Variants in SYBU observed in about 807,000 individuals in gnomAD.
The protein encoded by SYBU is syntabulin.
Under a neutral mutation model 35.9 loss-of-function variants are expected in SYBU, and 21 were observed. The ratio of observed to expected loss-of-function variants is 0.58; its 90% CI spans 0.41 to 0.84. The LOEUF is 0.84. Ranked by LOEUF, SYBU falls within the 40% of genes least tolerant of loss-of-function variation. SYBU has a pLI of 0.00. For synonymous variants in SYBU, 319 were observed against 324.3 expected, an observed-to-expected ratio of 0.98 and a Z score of 0.18; for missense variants, 768 against 848.2, an observed-to-expected ratio of 0.91 and a Z score of 1.17.
chr8:109,646,850 C>G (rs1005757701), upstream of SYBU: 1 of 152,178 alleles, frequency 6.6e-6, no homozygotes, highest in Non-Finnish European at 1.5e-5. Flanking sequence ...GATCTCTATG[C>G]CACCCAAGTA....
chr8:109,629,593 C>T (rs914484889), intron 2 of SYBU, among the ~76,000 whole-genome samples: 12 of 152,068 alleles, frequency 7.9e-5, no homozygotes, highest in African/African-American at 1.4e-4. Flanking sequence ...TGAATAATGC[C>T]GCAATAAACA....
In SYBU at chr8:109,594,366, C is replaced by G. The variant is rs1824622283; in HGVS notation, c.428-8204G>C. On this transcript the variant is annotated intron_variant, in intron 3 of 6. Coordinates refer to ENST00000276646, the MANE Select transcript of SYBU (RefSeq NM_001099754.2). ...TGTTTTGGAGTCACCTCATTCTCCA[C>G]TCTTCTTCATCTCAGTGAGGTGGTG... Among the ~76,000 whole-genome samples the G allele has an allele frequency of 2.0e-5, 3 of 152,276 alleles. No individual in the cohort carries two copies. The South Asian group carries it at 6.2e-4, about 32-fold the overall frequency.
chr8:109,629,250 T>C (rs1813319359), intron 2 of SYBU, among the ~76,000 whole-genome samples: 1 of 152,246 alleles, frequency 6.6e-6, no homozygotes, highest in Admixed American at 6.5e-5. Flanking sequence ...GTGCTTATAA[T>C]GGAGAACAGA....
At chr8:109,638,899 T>C (rs1418465854) in intron 2 of SYBU, among the ~76,000 whole-genome samples, 1 of 152,184 alleles carries the variant, frequency 6.6e-6, no homozygotes, top group Non-Finnish European at 1.5e-5. Flanking sequence ...CAAAGCTCTT[T>C]GGGGACACAC....
intron 2 of SYBU, among the ~76,000 whole-genome samples, chr8:109,628,322 A>G (rs1049128175): frequency 3.3e-5 from 5 of 151,736 alleles, no homozygotes; most frequent in African/African-American, 1.2e-4. Context: ...CAGCCTGGGA[A>G]ATGTGGGGAA....
At chr8:109,683,509 T>G (rs1817450995), upstream of SYBU, among the ~76,000 whole-genome samples, 1 of 152,204 alleles carries the variant, frequency 6.6e-6, no homozygotes, top group Non-Finnish European at 1.5e-5. Flanking sequence ...ATCTGGGAAG[T>G]AACTTACTTG....
chr8:109,613,148 G>A (rs1440927045), intron 3 of SYBU, among the ~76,000 whole-genome samples: 5 of 152,006 alleles, frequency 3.3e-5, no homozygotes, highest in African/African-American at 1.2e-4. Context: ...TGTCCTCCTA[G>A]AGCAACTATT....
rs74885615 is a variant in SYBU at position 109,574,919 on chromosome 8, C to G, written c.1979G>C (p.Arg660Pro). 8 of 1,513,852 alleles carry G rather than the reference C, an allele frequency of 5.3e-6. No homozygotes were observed. In the East Asian group the frequency reaches 6.8e-5, roughly 13 times the overall value. 93.8% of individuals were successfully genotyped at this position (1,513,852 alleles called of 1,614,324 possible). Residue 660 changes from arginine (R) to proline (P), a missense_variant, in exon 7 of 7, where the codon CGT becomes CCT. Arg to Pro is a moderately radical substitution (Grantham distance 103, BLOSUM62 -2). Transcript: ENST00000276646. ...ALHSLRRTAF[R>P]IKT ...AACAACTTCTATTTAGGTTTTGATA[C>G]GGAAGGCGGTGCGGCGGAGCGAATG...
At chr8:109,623,043 A>AAG (rs1812612257) in intron 2 of SYBU, among the ~76,000 whole-genome samples, 1 of 152,122 alleles carries the variant, frequency 6.6e-6, no homozygotes, top group Non-Finnish European at 1.5e-5. Context: ...ACACACACAC[A>AAG]CACACAAACG....
intron 2 of SYBU, among the ~76,000 whole-genome samples, chr8:109,620,835 C>T (rs1468501823): frequency 1.3e-5 from 2 of 152,136 alleles, no homozygotes; most frequent in East Asian, 1.9e-4. Flanking sequence ...CAGGCTTCAA[C>T]CCAAAGATAT....
intron 2 of SYBU, 73 bp from the exon 3 acceptor site, chr8:109,619,112 C>A: frequency 8.4e-7 from 1 of 1,192,142 alleles, no homozygotes; most frequent in Non-Finnish European, 1.2e-6. Context: ...ATGCGGTGCA[C>A]CACACACACG....
At chr8:109,581,414 G>A (rs960478333) in intron 4 of SYBU, among the ~76,000 whole-genome samples, 2 of 152,124 alleles carry the variant, frequency 1.3e-5, no homozygotes, top group Non-Finnish European at 2.9e-5. Context: ...GAATGCATGT[G>A]AGTACATTCC....
chr8:109,616,545 G>A (rs974909578), intron 3 of SYBU, among the ~76,000 whole-genome samples: 1 of 152,046 alleles, frequency 6.6e-6, no homozygotes, highest in Non-Finnish European at 1.5e-5. Context: ...TTCTTACTGT[G>A]CCATACTTGT....
At chr8:109,652,204 C>A (rs1816171414) in intron 1 of SYBU, among the ~76,000 whole-genome samples, 2 of 152,210 alleles carry the variant, frequency 1.3e-5, no homozygotes, top group Admixed American at 1.3e-4. Flanking sequence ...TTGCCAGTAT[C>A]TAAATTAGAC....
rs146456860 is a variant in SYBU at position 109,603,027 on chromosome 8, G to A, written c.427+15815C>T. ...ACAGGAAAGCAGGTGGAAAGCAGGC[G>A]GAACAGTTCCTGCACGCCTGCCTTG... On this transcript the variant is annotated intron_variant, in intron 3 of 6. Transcript: ENST00000276646. 5.4e-3 allele frequency among the ~76,000 whole-genome samples: 818 copies of A among 152,284 alleles called. 7 individuals carry two copies. The highest frequency in any genetic ancestry group is 0.017 in the African/African-American group (724 of 41,562).
At chr8:109,623,805 T>G (rs1812692432) in intron 2 of SYBU, among the ~76,000 whole-genome samples, 1 of 152,176 alleles carries the variant, frequency 6.6e-6, no homozygotes, top group Non-Finnish European at 1.5e-5. Flanking sequence ...AGCTTAACTT[T>G]TTAATTATAA....
rs1815062607 is a variant in SYBU, at chr8:109,642,775, C to G, written c.182G>C (p.Ser61Thr). The G allele has an allele frequency of 6.2e-7, 1 of 1,613,344 alleles. No individual in the cohort carries two copies. ...AACGGTCCTCGCTGAGCGCCCAGAG[C>G]TGCTGGGGTTGAACTCTCTGCTCTC... Reference protein sequence around the residue: ...EEESREFNPSSSGRSARTVSS... With the variant: ...EEESREFNPSTSGRSARTVSS... The change falls in exon 2 of 7, where the codon AGC (serine) becomes ACC (threonine). Residue 61 changes from serine (S) to threonine (T), a missense_variant. Transcript: ENST00000276646.
upstream of SYBU, among the ~76,000 whole-genome samples, chr8:109,685,893 T>C (rs73304542): frequency 2.2e-3 from 340 of 152,262 alleles, 1 homozygote; most frequent in African/African-American, 7.8e-3. Context: ...GAAATAGAAA[T>C]TGACAACCTT....
intron 4 of SYBU, among the ~76,000 whole-genome samples, chr8:109,585,100 T>C (rs979726571): frequency 3.3e-5 from 5 of 152,230 alleles, no homozygotes; most frequent in Non-Finnish European, 5.9e-5. Context: ...CAATTTATTG[T>C]CCTTCTTGTC....
Sources: allele counts gnomAD v4.1 joint callset (sites outside exome capture counted in the v4.1 genomes callset), GRCh38; gene constraint gnomAD v4.1.1; transcripts MANE v1.5; gene names NCBI Gene and HGNC (gene_info 2026-07-23, HGNC 2026-07-21).